FMO4: variants seen among roughly 807,000 people sequenced by gnomAD.
FMO4 encodes dimethylaniline monooxygenase [N-oxide-forming] 4.
A neutral mutation model predicts 43.3 loss-of-function variants in FMO4; 38 were observed. The ratio of observed to expected loss-of-function variants is 0.88; its 90% confidence interval spans 0.68 to 1.15. The LOEUF (loss-of-function observed/expected upper bound fraction) is 1.15, where lower values mean the gene tolerates loss of function less well. Ranked by LOEUF, FMO4 falls within the 50% of genes most tolerant of loss-of-function variation. FMO4 has a pLI of 0.00. For missense variants in FMO4, 631 were observed against 663.3 expected (o/e 0.95, Z 0.54); for synonymous variants, 224 against 232.2 (o/e 0.96, Z 0.32).
rs1350510661 is a variant in FMO4, at chr1:171,334,706, G to A, written c.1123G>A (p.Gly375Arg). The A allele has an allele frequency of 6.2e-7, 1 of 1,609,112 alleles. No homozygotes were observed. The highest frequency in any genetic ancestry group is 8.5e-7 in the Non-Finnish European group (1 of 1,178,636). Residue 375 changes from glycine to arginine, a missense_variant, in exon 8 of 10, where the codon GGA becomes AGA. Transcript: ENST00000367749. ...LAIIGLIGLK[G>R]SILSGTELQA... ...CATCATCGGCCTTATCGGCCTTAAA[G>A]GATCCATCTTATCAGGCACAGAGCT...
At chr1:171,322,866 A>G in intron 3 of FMO4, 138 bp from the exon 4 acceptor site, 1 of 640,274 alleles carries the variant, frequency 1.6e-6, no homozygotes, top group South Asian at 2.0e-5. Flanking sequence ...CAATCAATCA[A>G]TAAAAGTAAA....
intron 9 of FMO4, among the ~76,000 whole-genome samples, chr1:171,339,012 A>C (rs1483569768): frequency 6.6e-6 from 1 of 152,248 alleles, no homozygotes; most frequent in East Asian, 1.9e-4. Flanking sequence ...AAAGTAGAAC[A>C]TCGTGGAAGT....
chr1:171,325,395 A>G (rs1028367977), intron 5 of FMO4, among the ~76,000 whole-genome samples: 22 of 152,220 alleles, frequency 1.4e-4, no homozygotes, highest in Admixed American at 1.1e-3. Flanking sequence ...CCTAAAGGCA[A>G]TTGAATAGGT....
intron 5 of FMO4, among the ~76,000 whole-genome samples, chr1:171,331,298 G>C (rs555046704): frequency 6.6e-6 from 1 of 152,156 alleles, no homozygotes; most frequent in African/African-American, 2.4e-5. Context: ...AGATGAACTA[G>C]AAACAATCTA....
At chr1:171,336,614 T>C (rs1663128591) in intron 8 of FMO4, among the ~76,000 whole-genome samples, 1 of 151,958 alleles carries the variant, frequency 6.6e-6, no homozygotes, top group Admixed American at 6.6e-5. Flanking sequence ...TAAAGTGGGT[T>C]TTTTTTAGAG....
At position 171,341,448 on chromosome 1, in the gene FMO4, A is replaced by G. The variant is rs745420090; in HGVS notation, c.1286A>G (p.Asp429Gly). Residue 429 changes from aspartate (D) to glycine (G), a missense_variant, in exon 10 of 10, where the codon GAC (aspartate) becomes GGC (glycine). Asp to Gly is a moderately conservative substitution (Grantham distance 94, BLOSUM62 -1). Transcript: ENST00000367749. Reference sequence around the variant, plus strand: ...AAAGACACCAGCAAAGACAAATTTGACTACATTGCCTACATGGATGATATC... The same window carrying G: ...AAAGACACCAGCAAAGACAAATTTGGCTACATTGCCTACATGGATGATATC... ...VFKDTSKDKF[D>G]YIAYMDDIAA... 1 of 1,613,828 alleles carries G rather than the reference A, an allele frequency of 6.2e-7. No homozygotes were observed. Among genetic ancestry groups the G allele is most frequent in the South Asian group, 1.1e-5 (1 of 91,072 alleles).
chr1:171,318,043 C>T (rs74122803), intron 2 of FMO4, among the ~76,000 whole-genome samples: 3,399 of 152,138 alleles, frequency 0.022, 123 homozygotes, highest in African/African-American at 0.075. Flanking sequence ...AGGCCGGGCA[C>T]GGTGGCTTAC....
At position 171,341,856 on chromosome 1, in the gene FMO4, G is replaced by A. The variant is rs775709349; in HGVS notation, c.*17G>A. 1 of 1,587,290 alleles carries A rather than the reference G, an allele frequency of 6.3e-7. No homozygotes were observed. The highest frequency in any genetic ancestry group is 2.2e-5 in the East Asian group (1 of 44,604). On this transcript the variant is annotated 3_prime_UTR_variant, in exon 10 of 10. Coordinates refer to ENST00000367749, the MANE Select transcript of FMO4 (RefSeq NM_002022.3). ...CGAGGATGAACCTGATTGTTACAAGGGTTACACAAAGTCATGCTAATTCTA... is the reference window on the plus strand; with the variant it reads ...CGAGGATGAACCTGATTGTTACAAGAGTTACACAAAGTCATGCTAATTCTA...
intron 5 of FMO4, among the ~76,000 whole-genome samples, chr1:171,325,122 C>T (rs1404544050): frequency 6.6e-6 from 1 of 151,954 alleles, no homozygotes; most frequent in African/African-American, 2.4e-5. Context: ...AATAAATGAA[C>T]AAATAAATAA....
At chr1:171,337,206 A>G (rs1663156350) in intron 8 of FMO4, 150 bp from the exon 9 acceptor site, 1 of 684,010 alleles carries the variant, frequency 1.5e-6, no homozygotes, top group South Asian at 1.6e-5. Context: ...CCTCCAGAAA[A>G]TTATTTTCTG....
At chr1:171,325,541 A>G (rs765297934) in intron 5 of FMO4, among the ~76,000 whole-genome samples, 3 of 152,124 alleles carry the variant, frequency 2.0e-5, no homozygotes, top group Non-Finnish European at 2.9e-5. Flanking sequence ...AAAATATCCT[A>G]CTCAAAAAGG....
chr1:171,323,169 C>T lies in FMO4; in HGVS notation c.298C>T (p.Leu100Phe). 6.2e-7 allele frequency: 1 copy of T among 1,613,078 alleles called. No homozygotes were observed. Among genetic ancestry groups the T allele is most frequent in the Non-Finnish European group, 8.5e-7 (1 of 1,179,254 alleles). The change falls in exon 4 of 10, where the codon CTC (leucine) becomes TTC (phenylalanine). Residue 100 changes from leucine (L) to phenylalanine (F), a missense_variant. Transcript: ENST00000367749. ...CCAAGAATTTGCTGAGCACTTTGACCTCCTGAAATACATTCAGTTTAAGGT... is the reference window on the plus strand; with the variant it reads ...CCAAGAATTTGCTGAGCACTTTGACTTCCTGAAATACATTCAGTTTAAGGT... ...YLQEFAEHFD[L>F]LKYIQFKTTV...
Position 171,326,121 on chromosome 1 carries a change from A to G in FMO4, c.484+1821A>G, listed in dbSNP as rs144584291. 4.5e-4 allele frequency among the ~76,000 whole-genome samples: 68 copies of G among 151,962 alleles called. 2 individuals are homozygous for G. The East Asian group carries it at 0.011, about 24-fold the overall frequency. Reference sequence around the variant, plus strand: ...CTTTGGCCTTCCAAATACTGAGATTACAGAACTATGACTTTTTAAGATTCT... The same window carrying G: ...CTTTGGCCTTCCAAATACTGAGATTGCAGAACTATGACTTTTTAAGATTCT... On this transcript the variant is annotated intron_variant, in intron 5 of 9. Coordinates refer to ENST00000367749, the MANE Select transcript of FMO4 (RefSeq NM_002022.3).
intron 2 of FMO4, among the ~76,000 whole-genome samples, chr1:171,317,635 T>C (rs918494124): frequency 6.6e-6 from 1 of 152,210 alleles, no homozygotes; most frequent in Non-Finnish European, 1.5e-5. Context: ...TGTATGTGTA[T>C]ACTTCCTCCA....
chr1:171,337,353 C>T lies in FMO4; in HGVS notation c.1181-3C>T. 1 of 1,604,826 alleles carries T rather than the reference C, an allele frequency of 6.2e-7. No homozygotes were observed. The highest frequency in any genetic ancestry group is 8.5e-7 in the Non-Finnish European group (1 of 1,171,674). ...TTAGTGTTGTTTGTGATTTTTCCCA[C>T]AGGACTCTGTAAGATACCTCCATCC... is the stretch of plus-strand genomic sequence containing the variant. On this transcript the variant is annotated splice_polypyrimidine_tract_variant and splice_region_variant and intron_variant, in intron 8 of 9. Coordinates refer to ENST00000367749, the MANE Select transcript of FMO4 (RefSeq NM_002022.3).
chr1:171,324,125 C>T lies in FMO4; in HGVS notation c.322-13C>T. 1 of 1,600,870 alleles carries T rather than the reference C, an allele frequency of 6.2e-7. No individual in the cohort carries two copies. The highest frequency in any genetic ancestry group is 8.5e-7 in the Non-Finnish European group (1 of 1,174,068). On this transcript the variant is annotated splice_polypyrimidine_tract_variant and intron_variant, in intron 4 of 9. Coordinates refer to ENST00000367749, the MANE Select transcript of FMO4 (RefSeq NM_002022.3). ...GTGTTAGTGAGAAGTGAGTGTTTGTCTTTCACTTTTAGACCACTGTGTGCA... is the reference window on the plus strand; with the variant it reads ...GTGTTAGTGAGAAGTGAGTGTTTGTTTTTCACTTTTAGACCACTGTGTGCA...
rs869107866 is a variant in FMO4 at position 171,325,817 on chromosome 1, C to CTTTTTTTTTTTTTTTTTTTTTTTTTTTT, written c.484+1538_484+1565dup. Among the ~76,000 whole-genome samples, 2 of 51,032 alleles carry CTTTTTTTTTTTTTTTTTTTTTTTTTTTT rather than the reference C, an allele frequency of 3.9e-5. 1 individual carries two copies. Among genetic ancestry groups the CTTTTTTTTTTTTTTTTTTTTTTTTTTTT allele is most frequent in the Non-Finnish European group, 8.1e-5 (2 of 24,830 alleles). The allele number at this position is 51,032 out of a possible 152,430, so 33.5% of individuals were successfully genotyped here. A position where few individuals can be genotyped will look rare whatever the true frequency, so the allele number is the denominator to read the frequency against. On this transcript the variant is annotated intron_variant, in intron 5 of 9. Transcript: ENST00000367749. ...TAAATTCAGTTCCACATAGACTATC[C>CTTTTTTTTTTTTTTTTTTTTTTTTTTTT]TTTTTTTTTTTTTTTTTTTTTTTTT...
rs1186784868 is a variant in FMO4 at position 171,341,676 on chromosome 1, C to G, written c.1514C>G (p.Ser505Cys). The G allele has an allele frequency of 6.2e-7, 1 of 1,613,868 alleles. No homozygotes were observed. The highest frequency in any genetic ancestry group is 8.5e-7 in the Non-Finnish European group (1 of 1,179,948). Reference protein sequence around the residue: ...KPLKTRIVPDSSKPASMSHYL... With the variant: ...KPLKTRIVPDCSKPASMSHYL... ...TTAAAAACTCGAATTGTCCCTGATT[C>G]CTCCAAGCCTGCCTCCATGTCACAT... The change falls in exon 10 of 10, where the codon TCC (serine) becomes TGC (cysteine). Residue 505 changes from serine (S) to cysteine (C), a missense_variant. Ser to Cys is a moderately radical substitution (Grantham distance 112, BLOSUM62 -1). Transcript: ENST00000367749.
rs45571646 is a variant in FMO4 at position 171,338,587 on chromosome 1, T to G, written c.1250+1162T>G. On this transcript the variant is annotated intron_variant, in intron 9 of 9. Coordinates refer to ENST00000367749, the MANE Select transcript of FMO4 (RefSeq NM_002022.3). The stretch of plus-strand genomic sequence containing the variant: ...AGAACCTTTACGCTCTACTCTTCTG[T>G]CAGCCTGGAATGTTCCATCAGACAC... 9.2e-3 allele frequency among the ~76,000 whole-genome samples: 1,395 copies of G among 152,252 alleles called. 65 individuals are homozygous for G. Among genetic ancestry groups the G allele is most frequent in the Admixed American group, 0.075 (1,142 of 15,280 alleles).
Sources: gnomAD v4.1 joint callset for allele counts (sites outside exome capture counted in the v4.1 genomes callset) on GRCh38, gnomAD v4.1.1 for gene constraint, MANE v1.5 for transcripts, NCBI Gene and HGNC (gene_info 2026-07-23, HGNC 2026-07-21) for gene names.